The following ADAM32 variants were observed in gnomAD, a reference collection of about 807,000 sequenced individuals.
ADAM32 encodes the protein disintegrin and metalloproteinase domain-containing protein 32.
ADAM32 carries 89 observed loss-of-function variants against 114.9 expected under a neutral mutation model. The ratio of observed to expected loss-of-function variants is 0.77; its 90% CI spans 0.65 to 0.92. The LOEUF (loss-of-function observed/expected upper bound fraction) is 0.92, where lower values mean the gene tolerates loss of function less well. ADAM32 is among the 40% of genes least tolerant of loss of function. The probability of loss-of-function intolerance (pLI) is 0.00; values close to 1 mark genes in which losing one functional copy is unlikely to be tolerated. For synonymous variants in ADAM32, 285 were observed against 307.5 expected (o/e 0.93, Z 0.77); for missense variants, 870 against 932.8 (o/e 0.93, Z 0.88).
rs913479483 is a variant in ADAM32, at chr8:39,275,000, G to A, written c.2240+650G>A. On this transcript the variant is annotated intron_variant, in intron 21 of 24. Transcript: ENST00000379907. ...TAAGGCTCCTGTTTCTCTGTGTGAT[G>A]ATTTTTCCATCCAAATTCCTAAGCC... Among the ~76,000 whole-genome samples the A allele has an allele frequency of 1.3e-5, 2 of 152,206 alleles. 1 individual carries two copies. The highest frequency in any genetic ancestry group is 2.9e-5 in the Non-Finnish European group (2 of 68,022).
At chr8:39,231,231 T>C (rs567271784) in intron 14 of ADAM32, among the ~76,000 whole-genome samples, 1 of 152,144 alleles carries the variant, frequency 6.6e-6, no homozygotes, top group South Asian at 2.1e-4. Context: ...CTCCTGTGGG[T>C]TTAGAGGAAG....
intron 11 of ADAM32, among the ~76,000 whole-genome samples, chr8:39,203,997 A>G (rs1228734479): frequency 6.6e-6 from 1 of 152,108 alleles, no homozygotes; most frequent in Non-Finnish European, 1.5e-5. Flanking sequence ...CTGCTGAGAG[A>G]TCCGCTGTTA....
At chr8:39,241,892 C>A (rs1810585252) in intron 16 of ADAM32, among the ~76,000 whole-genome samples, 1 of 152,222 alleles carries the variant, frequency 6.6e-6, no homozygotes, top group Non-Finnish European at 1.5e-5. Context: ...GTGGGATTTT[C>A]TTTTCTATTG....
At position 39,233,903 on chromosome 8, in the gene ADAM32, C is replaced by A; in HGVS notation, c.1639C>A (p.Leu547Ile). The change falls in exon 16 of 25, where the codon CTT becomes ATT. Residue 547 changes from leucine to isoleucine, a missense_variant. Leu to Ile is a conservative substitution (Grantham distance 5). Coordinates refer to ENST00000379907, the MANE Select transcript of ADAM32 (RefSeq NM_145004.7). ...NKYVFCGWRN[L>I]ICGRLVCTYP... is the part of the protein sequence containing the mutation. ...ATATATTTTTTATGTTTTCAGGAAT[C>A]TTATATGTGGAAGATTAGTTTGTAC... 1 of 1,515,340 alleles carries A rather than the reference C, an allele frequency of 6.6e-7. No homozygotes were observed. Among genetic ancestry groups the A allele is most frequent in the Non-Finnish European group, 8.8e-7 (1 of 1,130,014 alleles). The allele number at this position is 1,515,340 out of a possible 1,614,324, so 93.9% of individuals were successfully genotyped here. A position where few individuals can be genotyped will look rare whatever the true frequency, so the allele number is the denominator to read the frequency against.
intron 1 of ADAM32, among the ~76,000 whole-genome samples, chr8:39,117,072 C>T (rs924914445): frequency 1.1e-4 from 17 of 151,898 alleles, no homozygotes; most frequent in African/African-American, 2.9e-4. Context: ...TCAGTAGAGA[C>T]GGGGTTTCAC....
chr8:39,129,159 C>T (rs866420151), intron 2 of ADAM32, among the ~76,000 whole-genome samples: 176 of 128,460 alleles, frequency 1.4e-3, no homozygotes, highest in African/African-American at 4.8e-3. Context: ...TTGGGAGTTT[C>T]TACAAACAGG....
chr8:39,240,130 A>G (rs1248182697), intron 16 of ADAM32, among the ~76,000 whole-genome samples: 1 of 152,242 alleles, frequency 6.6e-6, no homozygotes, highest in Non-Finnish European at 1.5e-5. Context: ...ATGTATTTCT[A>G]TTCATCAGCA....
chr8:39,110,696 T>A (rs142267781), intron 1 of ADAM32, among the ~76,000 whole-genome samples: 4 of 152,366 alleles, frequency 2.6e-5, no homozygotes, highest in African/African-American at 9.6e-5. Context: ...TGCTGTCATA[T>A]TATAAATTAT....
intron 11 of ADAM32, among the ~76,000 whole-genome samples, chr8:39,191,261 AT>A (rs1229276139): frequency 6.6e-6 from 1 of 152,198 alleles, no homozygotes; most frequent in Non-Finnish European, 1.5e-5. Flanking sequence ...TCCTTTGGGT[AT>A]ATATCCAGTA....
chr8:39,115,714 T>A (rs1255884322), intron 1 of ADAM32, among the ~76,000 whole-genome samples: 1 of 152,212 alleles, frequency 6.6e-6, no homozygotes, highest in Non-Finnish European at 1.5e-5. Context: ...GTTGGTAATT[T>A]CTTTTGCTGT....
chr8:39,124,558 C>T (rs934808771), intron 2 of ADAM32, among the ~76,000 whole-genome samples: 2 of 152,022 alleles, frequency 1.3e-5, no homozygotes, highest in African/African-American at 4.8e-5. Context: ...GCTGGGACTA[C>T]AGGCACCTGC....
At chr8:39,171,588 T>C (rs1412923765) in intron 10 of ADAM32, among the ~76,000 whole-genome samples, 1 of 152,078 alleles carries the variant, frequency 6.6e-6, no homozygotes, top group East Asian at 1.9e-4. Context: ...ACTATAGATA[T>C]ACAAAGCAAA....
intron 14 of ADAM32, among the ~76,000 whole-genome samples, chr8:39,226,541 A>G (rs566861750): frequency 1.7e-4 from 26 of 152,274 alleles, no homozygotes; most frequent in African/African-American, 6.3e-4. Flanking sequence ...AAGAGAAAAA[A>G]AAAGATTAAG....
chr8:39,124,661 C>T (rs894590929), intron 2 of ADAM32, among the ~76,000 whole-genome samples: 17 of 152,180 alleles, frequency 1.1e-4, no homozygotes, highest in African/African-American at 3.1e-4. Flanking sequence ...TGTGATCCAC[C>T]GCCTTGGCCT....
chr8:39,151,348 C>G (rs1413493390), intron 5 of ADAM32, 29 bp from the exon 6 acceptor site: 1 of 1,511,920 alleles, frequency 6.6e-7, no homozygotes, highest in Non-Finnish European at 8.9e-7. Flanking sequence ...TGATTAAAAG[C>G]ACTTAAAATT....
intron 14 of ADAM32, among the ~76,000 whole-genome samples, chr8:39,228,370 A>G (rs924182429): frequency 6.6e-6 from 1 of 152,236 alleles, no homozygotes; most frequent in Non-Finnish European, 1.5e-5. Flanking sequence ...GAGGTTAGCT[A>G]TTAAGCTAAT....
chr8:39,180,546 C>T (rs958133542), intron 10 of ADAM32, among the ~76,000 whole-genome samples: 1 of 152,268 alleles, frequency 6.6e-6, no homozygotes, highest in Non-Finnish European at 1.5e-5. Flanking sequence ...GCAGCTCCAC[C>T]TGCAGCCCTG....
chr8:39,184,181 T>C (rs1806080483), intron 10 of ADAM32, among the ~76,000 whole-genome samples: 1 of 152,242 alleles, frequency 6.6e-6, no homozygotes, highest in South Asian at 2.1e-4. Context: ...TAAATGATTA[T>C]GTGACATGTA....
chr8:39,187,207 CTAAAGA>C (rs1186308508), intron 11 of ADAM32, among the ~76,000 whole-genome samples, 162 bp downstream of exon 11: 1 of 152,142 alleles, frequency 6.6e-6, no homozygotes, highest in Non-Finnish European at 1.5e-5. Flanking sequence ...AAAGTATAAA[CTAAAGA>C]TAATCAAAGA....
Sources: allele counts gnomAD v4.1 joint callset (sites outside exome capture counted in the v4.1 genomes callset), GRCh38; gene constraint gnomAD v4.1.1; transcripts MANE v1.5; gene names NCBI Gene and HGNC (gene_info 2026-07-23, HGNC 2026-07-21).